Variants in GTF2IRD1 observed in about 807,000 individuals in gnomAD.
The protein encoded by GTF2IRD1 is GTF2I repeat domain containing 1, also known as general transcription factor II-I repeat domain-containing protein 1.
In GTF2IRD1, 26 loss-of-function variants were observed where a neutral mutation model predicts 113.2. The observed-to-expected ratio is 0.23, with a 90% confidence interval of 0.17 to 0.32. GTF2IRD1 has a LOEUF of 0.32. GTF2IRD1 is among the 10% of genes least tolerant of loss of function. The pLI, the probability that GTF2IRD1 is intolerant of heterozygous loss-of-function variation, is 1.00. For missense variants in GTF2IRD1, 864 were observed against 1,280.8 expected (o/e 0.67, Z 4.97); for synonymous variants, 484 against 529.1 (o/e 0.91, Z 1.17).
intron 22 of GTF2IRD1, among the ~76,000 whole-genome samples, chr7:74,567,624 TA>T (rs1800400844): frequency 6.6e-6 from 1 of 152,154 alleles, no homozygotes; most frequent in African/African-American, 2.4e-5. Flanking sequence ...CCACCCTCAG[TA>T]AAGACTAACT....
chr7:74,562,470 C>T (rs1800030207), intron 22 of GTF2IRD1, among the ~76,000 whole-genome samples: 1 of 151,520 alleles, frequency 6.6e-6, no homozygotes, highest in East Asian at 1.9e-4. Flanking sequence ...TGGACAAGCA[C>T]ACCTGCCTCA....
intron 1 of GTF2IRD1, among the ~76,000 whole-genome samples, chr7:74,460,382 C>A (rs782511123): frequency 2.6e-5 from 4 of 151,862 alleles, no homozygotes; most frequent in Non-Finnish European, 4.4e-5. Flanking sequence ...GTGATCCTCC[C>A]ACCTCAGCCT....
chr7:74,494,096 T>C lies in GTF2IRD1; in HGVS notation c.-6-13979T>C, dbSNP rs2129654526. On this transcript the variant is annotated intron_variant, in intron 1 of 26. Transcript: ENST00000424337. The stretch of plus-strand genomic sequence containing the variant: ...CATTAGCAGTGTCAAACAACAGTCA[T>C]TTCTTCTTTTACTCTTCACATTGTG... Among the ~76,000 whole-genome samples, 3 of 152,280 alleles carry C rather than the reference T, an allele frequency of 2.0e-5. No individual in the cohort carries two copies. In the Middle Eastern group the frequency reaches 0.01, roughly 518 times the overall value.
At position 74,513,171 on chromosome 7, in the gene GTF2IRD1, C is replaced by T. The variant is rs1403036648; in HGVS notation, c.265+200C>T. On this transcript the variant is annotated intron_variant, in intron 3 of 26. Coordinates refer to ENST00000424337, the MANE Select transcript of GTF2IRD1 (RefSeq NM_005685.4). ...TTGATAGAGACTGGCTGGGTGAACC[C>T]CAGGGTAGGCCAGAGCCAGCCACTT... is the stretch of plus-strand genomic sequence containing the variant. Among the ~76,000 whole-genome samples the T allele has an allele frequency of 3.9e-5, 6 of 152,324 alleles. No individual in the cohort carries two copies. In the South Asian group the frequency reaches 1.2e-3, roughly 32 times the overall value.
intron 1 of GTF2IRD1, among the ~76,000 whole-genome samples, chr7:74,468,515 C>T (rs576690110): frequency 1.1e-4 from 16 of 151,694 alleles, no homozygotes; most frequent in African/African-American, 1.2e-4. Flanking sequence ...AAAAATTAGC[C>T]GGGCGTGGTG....
intron 7 of GTF2IRD1, among the ~76,000 whole-genome samples, chr7:74,522,237 A>C (rs1466858958): frequency 6.7e-6 from 1 of 149,636 alleles, no homozygotes; most frequent in Non-Finnish European, 1.5e-5. Context: ...AAAGGCAGTG[A>C]TATATTTAAA....
chr7:74,549,784 C>G (rs1325936056), intron 17 of GTF2IRD1, among the ~76,000 whole-genome samples: 1 of 152,032 alleles, frequency 6.6e-6, no homozygotes, highest in Non-Finnish European at 1.5e-5. Context: ...GCCTGTAATC[C>G]CAGCACTTTG....
intron 26 of GTF2IRD1, chr7:74,601,434 G>A (rs1802764861): frequency 1.4e-6 from 2 of 1,468,242 alleles, no homozygotes; most frequent in South Asian, 1.4e-5. Flanking sequence ...GCCGGCTGAG[G>A]TCCACCTGCC....
At chr7:74,456,324 C>T (rs1792968437) in intron 1 of GTF2IRD1, among the ~76,000 whole-genome samples, 2 of 152,178 alleles carry the variant, frequency 1.3e-5, no homozygotes, top group Admixed American at 6.6e-5. Context: ...TAGACTGCAG[C>T]TCCCAGATGA....
chr7:74,504,027 A>G (rs1472851207), intron 1 of GTF2IRD1, among the ~76,000 whole-genome samples: 1 of 152,090 alleles, frequency 6.6e-6, no homozygotes, highest in African/African-American at 2.4e-5. Flanking sequence ...TTCTGTTTCT[A>G]TGTTAATTTG....
chr7:74,598,828 G>T (rs1303243104), intron 25 of GTF2IRD1, among the ~76,000 whole-genome samples: 1 of 152,090 alleles, frequency 6.6e-6, no homozygotes, highest in Non-Finnish European at 1.5e-5. Flanking sequence ...TTTTCATGTG[G>T]AATCTCCCAC....
chr7:74,480,868 C>T (rs1283771660), intron 1 of GTF2IRD1, among the ~76,000 whole-genome samples: 1 of 152,126 alleles, frequency 6.6e-6, no homozygotes, highest in East Asian at 1.9e-4. Flanking sequence ...GGAGACAGCC[C>T]CTTTTCCTAA....
chr7:74,512,244 C>G lies in GTF2IRD1; in HGVS notation c.124-586C>G, dbSNP rs10227184. Among the ~76,000 whole-genome samples the G allele has an allele frequency of 6.6e-6, 1 of 151,988 alleles. No individual in the cohort carries two copies. The highest frequency in any genetic ancestry group is 1.5e-5 in the Non-Finnish European group (1 of 68,000). On this transcript the variant is annotated intron_variant, in intron 2 of 26. Transcript: ENST00000424337. The surrounding 1 kb of genome is among the most constrained non-coding windows in gnomAD (Gnocchi z 4.4). ...GCGGGCGCCTGTAGTCCCAGCTACT[C>G]GGGAGGCTGAGGCAGGAGAATCGCT...
intron 1 of GTF2IRD1, among the ~76,000 whole-genome samples, chr7:74,478,031 C>T (rs1017356517): frequency 3.3e-5 from 5 of 152,174 alleles, no homozygotes; most frequent in South Asian, 2.1e-4. Context: ...CCAGCCCCCA[C>T]GCTTTTCAGA....
chr7:74,485,369 G>A (rs1426414656), intron 1 of GTF2IRD1, among the ~76,000 whole-genome samples: 1 of 152,206 alleles, frequency 6.6e-6, no homozygotes, highest in African/African-American at 2.4e-5. Flanking sequence ...TGTAATCCCA[G>A]CACTTTGAGA....
chr7:74,477,106 G>A (rs1554333685), intron 1 of GTF2IRD1, among the ~76,000 whole-genome samples: 1 of 152,084 alleles, frequency 6.6e-6, no homozygotes, highest in African/African-American at 2.4e-5. Flanking sequence ...GATCGCGCCT[G>A]TAATCCCAGC....
intron 1 of GTF2IRD1, among the ~76,000 whole-genome samples, chr7:74,471,774 A>G (rs1554332463): frequency 6.6e-6 from 1 of 151,456 alleles, no homozygotes; most frequent in Non-Finnish European, 1.5e-5. Context: ...CGGGCAGATC[A>G]TGAGGTCAGG....
intron 1 of GTF2IRD1, among the ~76,000 whole-genome samples, chr7:74,496,092 ATG>A (rs1562801705): frequency 2.0e-5 from 3 of 151,352 alleles, no homozygotes; most frequent in South Asian, 2.1e-4. Flanking sequence ...GTTTGCATGC[ATG>A]TGTGTGCATA....
At chr7:74,454,259 C>CA (rs1418547919) in intron 1 of GTF2IRD1, 83 bp downstream of exon 1, 2 of 133,894 alleles carry the variant, frequency 1.5e-5, no homozygotes, top group African/African-American at 2.8e-5. Context: ...CCTCCGCCTC[C>CA]GGGGGGGGGG....
Sources: allele counts gnomAD v4.1 joint callset (sites outside exome capture counted in the v4.1 genomes callset), GRCh38; gene constraint gnomAD v4.1.1; non-coding constraint Gnocchi (gnomAD v3.1); transcripts MANE v1.5; gene names NCBI Gene and HGNC (gene_info 2026-07-23, HGNC 2026-07-21).